Variants in IPO8 observed in about 807,000 individuals in gnomAD.
The protein encoded by IPO8 is importin 8, also known as importin-8.
IPO8 carries 65 observed loss-of-function variants against 141.2 expected under a neutral mutation model. That is an observed-to-expected ratio of 0.46 (90% CI 0.38 to 0.57). IPO8 has a LOEUF of 0.57. Ranked by LOEUF, IPO8 falls within the 20% of genes least tolerant of loss-of-function variation. The probability of loss-of-function intolerance (pLI) is 0.00; values close to 1 mark genes in which losing one functional copy is unlikely to be tolerated. For synonymous variants in IPO8, 411 were observed against 420.3 expected, an observed-to-expected ratio of 0.98 and a Z score of 0.27; for missense variants, 980 against 1,246.8, an observed-to-expected ratio of 0.79 and a Z score of 3.22.
intron 17 of IPO8, among the ~76,000 whole-genome samples, chr12:30,654,060 T>C (rs147918607): frequency 6.6e-6 from 1 of 152,084 alleles, no homozygotes; most frequent in African/African-American, 2.4e-5. Context: ...CCATTTAGGG[T>C]CAATTAATTT....
intron 1 of IPO8, among the ~76,000 whole-genome samples, chr12:30,692,715 G>T (rs1158218219): frequency 6.6e-6 from 1 of 152,008 alleles, no homozygotes; most frequent in Non-Finnish European, 1.5e-5. Context: ...GGCCTTTTCT[G>T]AACCGATATT....
chr12:30,653,234 T>A, intron 17 of IPO8, 142 bp from the exon 18 acceptor site: 1 of 683,596 alleles, frequency 1.5e-6, no homozygotes, highest in Non-Finnish European at 2.4e-6. Context: ...TTTCTCAGTA[T>A]TTGTATCTTC....
At chr12:30,678,537 A>G (rs555140385) in intron 5 of IPO8, among the ~76,000 whole-genome samples, 9 of 152,294 alleles carry the variant, frequency 5.9e-5, no homozygotes, top group African/African-American at 1.7e-4. Flanking sequence ...ACACTCTACA[A>G]TGTTCACAGA....
intron 10 of IPO8, among the ~76,000 whole-genome samples, chr12:30,668,637 A>C (rs543541019): frequency 6.6e-6 from 1 of 152,342 alleles, no homozygotes; most frequent in South Asian, 2.1e-4. Flanking sequence ...AATTAATACA[A>C]ACTGGGAATA....
chr12:30,677,847 T>G (rs565040888), intron 5 of IPO8, among the ~76,000 whole-genome samples: 4 of 152,270 alleles, frequency 2.6e-5, no homozygotes, highest in East Asian at 3.9e-4. Context: ...TTAAAAATTT[T>G]AAAGTTTGGC....
At chr12:30,633,508 T>A (rs1234094276) in intron 23 of IPO8, among the ~76,000 whole-genome samples, 1 of 152,248 alleles carries the variant, frequency 6.6e-6, no homozygotes, top group African/African-American at 2.4e-5. Flanking sequence ...GTCTTATGTA[T>A]CTGAGGATGG....
Position 30,653,083 on chromosome 12 carries a change from T to A in IPO8, c.1958A>T (p.Glu653Val), listed in dbSNP as rs1401781629. 6 of 1,606,852 alleles carry A rather than the reference T, an allele frequency of 3.7e-6. No homozygotes were observed. The highest frequency in any genetic ancestry group is 5.1e-6 in the Non-Finnish European group (6 of 1,177,610). Reference sequence around the variant, plus strand: ...ACTGTATGCCAGGGAAAGAATTTCTTCATAGAATTCTAGAAGAAAGAAAAT... The same window carrying A: ...ACTGTATGCCAGGGAAAGAATTTCTACATAGAATTCTAGAAGAAAGAAAAT... ...VLQKHVIEFY[E>V]EILSLAYSLT... Residue 653 changes from glutamate to valine, a missense_variant, in exon 18 of 25, where the codon GAA (glutamate) becomes GTA (valine). Around this residue, in one of 3 missense-constraint regions of IPO8, gnomAD observed 924 missense variants for 1,153.9 expected, o/e 0.80. Coordinates refer to ENST00000256079, the MANE Select transcript of IPO8 (RefSeq NM_006390.4).
chr12:30,634,213 T>A lies in IPO8; in HGVS notation c.2769A>T (p.Glu923Asp). ...QAMQSNNGRGEDEEEEDDDWD... is the reference protein window; with the variant it reads ...QAMQSNNGRGDDEEEEDDDWD... The stretch of plus-strand genomic sequence containing the variant: ...AGTCATCATCTTCCTCCTCCTCATC[T>A]TCACCTCTTCCATTATTTGACTGCA... The change falls in exon 23 of 25, where the codon GAA becomes GAT. Residue 923 changes from glutamate to aspartate, a missense_variant. Physicochemically the swap from Glu to Asp is conservative, Grantham distance 45. Coordinates refer to ENST00000256079, the MANE Select transcript of IPO8 (RefSeq NM_006390.4). The A allele has an allele frequency of 6.2e-7, 1 of 1,614,022 alleles. No individual in the cohort carries two copies. The highest frequency in any genetic ancestry group is 8.5e-7 in the Non-Finnish European group (1 of 1,179,906).
chr12:30,634,002 G>T, intron 23 of IPO8, 81 bp downstream of exon 23: 1 of 1,311,186 alleles, frequency 7.6e-7, no homozygotes, highest in Non-Finnish European at 1.1e-6. Flanking sequence ...GACCAATCTT[G>T]GGCAAATATC....
chr12:30,653,351 TAA>T (rs959113338), intron 17 of IPO8, among the ~76,000 whole-genome samples: 2 of 151,944 alleles, frequency 1.3e-5, no homozygotes, highest in African/African-American at 2.4e-5. Flanking sequence ...ATTGAAAAAA[TAA>T]AGTTTTTTTC....
At chr12:30,646,314 G>A (rs902772799) in intron 20 of IPO8, among the ~76,000 whole-genome samples, 2 of 152,124 alleles carry the variant, frequency 1.3e-5, no homozygotes, top group Non-Finnish European at 2.9e-5. Flanking sequence ...ACCCTTTCAT[G>A]ATAAAAGCAA....
intron 5 of IPO8, among the ~76,000 whole-genome samples, chr12:30,678,225 T>C (rs989651446): frequency 1.3e-5 from 2 of 152,150 alleles, no homozygotes; most frequent in Admixed American, 6.6e-5. Context: ...ATAAATTTAG[T>C]GTAGCCTAAA....
chr12:30,682,905 C>A (rs569396499), intron 3 of IPO8, among the ~76,000 whole-genome samples: 11 of 152,094 alleles, frequency 7.2e-5, no homozygotes, highest in African/African-American at 2.7e-4. Context: ...TATAATTAAG[C>A]CTTAAGGACA....
In IPO8 at chr12:30,676,600, A is replaced by G. The variant is rs1371460343; in HGVS notation, c.640-13T>C. ...GAGGCAATGCATACTGGAAAAGAGA[A>G]GAACAACATGAACAGTAATTCCTCC... On this transcript the variant is annotated splice_polypyrimidine_tract_variant and intron_variant, in intron 5 of 24. Coordinates refer to ENST00000256079, the MANE Select transcript of IPO8 (RefSeq NM_006390.4). 6.3e-7 allele frequency: 1 copy of G among 1,577,744 alleles called. No homozygotes were observed. The highest frequency in any genetic ancestry group is 1.1e-5 in the South Asian group (1 of 90,362).
intron 21 of IPO8, among the ~76,000 whole-genome samples, chr12:30,638,918 G>A (rs561236263): frequency 2.6e-5 from 4 of 152,086 alleles, no homozygotes; most frequent in South Asian, 2.1e-4. Flanking sequence ...TGATCCACCC[G>A]CCTCGGCCTC....
intron 9 of IPO8, among the ~76,000 whole-genome samples, chr12:30,669,912 A>G (rs548513473): frequency 1.3e-5 from 2 of 152,318 alleles, no homozygotes; most frequent in South Asian, 4.1e-4. Context: ...TTTAGGCTCT[A>G]ACAACAATTT....
At position 30,695,639 on chromosome 12, in the gene IPO8, G is replaced by C. The variant is rs1432447758; in HGVS notation, c.9C>G (p.Leu3=). The C allele has an allele frequency of 6.2e-7, 1 of 1,613,956 alleles. No individual in the cohort carries two copies. Among genetic ancestry groups the C allele is most frequent in the Admixed American group, 1.7e-5 (1 of 60,026 alleles). MD[L]NRIIQALKGT... ...CCTTCAGCGCCTGGATGATCCGGTT[G>C]AGGTCCATCTCCCCGGGTGGGGGCT... The change falls in exon 1 of 25, where the codon CTC becomes CTG. Residue 3 remains leucine, a synonymous_variant. Transcript: ENST00000256079. The surrounding 1 kb of genome is among the most constrained non-coding windows in gnomAD (Gnocchi z 4.2).
At chr12:30,693,923 C>T (rs1245782422) in intron 1 of IPO8, among the ~76,000 whole-genome samples, 4 of 151,924 alleles carry the variant, frequency 2.6e-5, no homozygotes, top group African/African-American at 9.7e-5. Context: ...TCTGAAATAC[C>T]ATGGGAAAAA....
At chr12:30,646,995 C>T (rs1359663981) in intron 20 of IPO8, among the ~76,000 whole-genome samples, 1 of 152,142 alleles carries the variant, frequency 6.6e-6, no homozygotes, top group African/African-American at 2.4e-5. Flanking sequence ...TTAACGGACC[C>T]TGTCTAGCCA....
Sources: allele counts gnomAD v4.1 joint callset (sites outside exome capture counted in the v4.1 genomes callset), GRCh38; gene constraint gnomAD v4.1.1; regional missense constraint gnomAD v4.1.1; non-coding constraint Gnocchi (gnomAD v3.1); transcripts MANE v1.5; gene names NCBI Gene and HGNC (gene_info 2026-07-23, HGNC 2026-07-21).